CHLSN: variants seen among roughly 807,000 people sequenced by gnomAD.
CHLSN encodes protein cholesin.
chr7:1,039,941 A>C, the CHLSN span, among the ~76,000 whole-genome samples: 4 of 92,366 alleles, frequency 4.3e-5, 1 homozygote, highest in African/African-American at 1.7e-4. Flanking sequence ...GGGCGGTGCA[A>C]GATGTGCTTT....
chr7:1,000,605 G>C, the CHLSN span: 23 of 1,454,756 alleles, frequency 1.6e-5, no homozygotes, highest in East Asian at 5.0e-4. Flanking sequence ...CTCCCGGGCA[G>C]CTGTCTGCCC....
the CHLSN span, among the ~76,000 whole-genome samples, chr7:998,209 T>A: frequency 2.0e-4 from 30 of 152,142 alleles, no homozygotes; most frequent in African/African-American, 7.2e-4. Context: ...CCAGGTGGCA[T>A]CTCTTGGTGG....
chr7:1,137,646 A>T, the CHLSN span: 1 of 152,030 alleles, frequency 6.6e-6, no homozygotes, highest in South Asian at 2.1e-4. Context: ...TCTACAAAAA[A>T]CATTTTTAAA....
the CHLSN span, among the ~76,000 whole-genome samples, chr7:1,068,769 A>G: frequency 3.9e-5 from 6 of 152,206 alleles, no homozygotes; most frequent in Non-Finnish European, 7.3e-5. Flanking sequence ...TACTTAGGTC[A>G]TAAGTCAAAT....
At chr7:978,027 G>A in the CHLSN span, among the ~76,000 whole-genome samples, 18 of 152,308 alleles carry the variant, frequency 1.2e-4, no homozygotes, top group South Asian at 3.3e-3. Flanking sequence ...TGCAGCAGCC[G>A]CTTAGCAGTG....
At chr7:1,126,952 G>A in the CHLSN span, among the ~76,000 whole-genome samples, 2 of 152,074 alleles carry the variant, frequency 1.3e-5, no homozygotes, top group Admixed American at 1.3e-4. Context: ...GGGCCCAACC[G>A]AAGGCCTGCT....
chr7:1,135,797 A>ATT, the CHLSN span, among the ~76,000 whole-genome samples: 1 of 136,282 alleles, frequency 7.3e-6, no homozygotes, highest in African/African-American at 2.7e-5. Context: ...ATATATACAC[A>ATT]ATTTATTTAT....
chr7:1,133,232 G>T, the CHLSN span, among the ~76,000 whole-genome samples: 3 of 152,006 alleles, frequency 2.0e-5, no homozygotes, highest in African/African-American at 7.3e-5. Flanking sequence ...CTCAGGATAC[G>T]CAAATTATAC....
chr7:1,030,705 C>G, the CHLSN span, among the ~76,000 whole-genome samples: 2 of 151,128 alleles, frequency 1.3e-5, no homozygotes, highest in South Asian at 2.1e-4. Context: ...CCCAGGCAGG[C>G]GGGGACTCTC....
At chr7:1,030,054 C>T in the CHLSN span, among the ~76,000 whole-genome samples, 1 of 152,200 alleles carries the variant, frequency 6.6e-6, no homozygotes, top group South Asian at 2.1e-4. Context: ...TGTGCTCAGT[C>T]ACCGGTTTCA....
chr7:987,449 T>A, the CHLSN span: 4 of 1,582,270 alleles, frequency 2.5e-6, no homozygotes, highest in Non-Finnish European at 3.4e-6. Flanking sequence ...CTCCACGAGG[T>A]GCAGCGGTTC....
chr7:1,028,410 C>G, the CHLSN span: 3 of 986,090 alleles, frequency 3.0e-6, no homozygotes, highest in African/African-American at 1.7e-5. Context: ...CCAGATCCAG[C>G]CGGCTGGACC....
chr7:1,020,555 A>G, the CHLSN span, among the ~76,000 whole-genome samples: 1 of 152,214 alleles, frequency 6.6e-6, no homozygotes, highest in Non-Finnish European at 1.5e-5. Context: ...GGGTTGGGGA[A>G]CAGGCCAACC....
the CHLSN span, among the ~76,000 whole-genome samples, chr7:1,006,785 G>A: frequency 3.9e-5 from 6 of 152,062 alleles, no homozygotes; most frequent in African/African-American, 1.4e-4. Context: ...CGGCCACAGC[G>A]CAGGGAAAGA....
chr7:1,101,337 G>T, the CHLSN span, among the ~76,000 whole-genome samples: 2 of 152,242 alleles, frequency 1.3e-5, no homozygotes, highest in Non-Finnish European at 2.9e-5. Context: ...TACTGGGGTG[G>T]ACTCCACCTG....
chr7:1,085,733 C>G, the CHLSN span, among the ~76,000 whole-genome samples: 1 of 148,434 alleles, frequency 6.7e-6, no homozygotes. Context: ...ACTCAGGGGC[C>G]GGGGTGGGAG....
At chr7:1,073,531 T>C in the CHLSN span, among the ~76,000 whole-genome samples, 2 of 146,226 alleles carry the variant, frequency 1.4e-5, no homozygotes, top group South Asian at 4.3e-4. Context: ...CTTGAGACAC[T>C]TTTTTTACTG....
At chr7:1,016,823 CAGCGCACAGCAGCGCACGCCA>C in the CHLSN span, among the ~76,000 whole-genome samples, 1 of 122,140 alleles carries the variant, frequency 8.2e-6, no homozygotes, top group Admixed American at 7.8e-5. Flanking sequence ...CAGCGCACAG[CAGCGCACAGCAGCGCACGCCA>C]GCACACAGCA....
the CHLSN span, among the ~76,000 whole-genome samples, chr7:1,113,666 C>T: frequency 6.6e-6 from 1 of 152,202 alleles, no homozygotes; most frequent in Non-Finnish European, 1.5e-5. Context: ...CACCTCGTCC[C>T]AGCCCGAGCA....
Sources: allele counts gnomAD v4.1 joint callset (sites outside exome capture counted in the v4.1 genomes callset), GRCh38; gene constraint gnomAD v4.1.1; transcripts MANE v1.5; gene names NCBI Gene and HGNC (gene_info 2026-07-23, HGNC 2026-07-21).